Variants in HPF1 observed in about 807,000 individuals in gnomAD.
The protein encoded by HPF1 is histone PARylation factor 1.
Under a neutral mutation model 38.8 loss-of-function variants are expected in HPF1, and 35 were observed. The ratio of observed to expected loss-of-function variants is 0.90; its 90% CI spans 0.69 to 1.19. The LOEUF (loss-of-function observed/expected upper bound fraction) is 1.19. HPF1 is among the 50% of genes most tolerant of loss of function. The probability of loss-of-function intolerance (pLI) is 0.00; values close to 1 mark genes in which losing one functional copy is unlikely to be tolerated. For missense variants in HPF1, 367 were observed against 405.8 expected, an observed-to-expected ratio of 0.90 and a Z score of 0.82; for synonymous variants, 115 against 139.2, an observed-to-expected ratio of 0.83 and a Z score of 1.22.
chr4:169,743,409 C>CTTTTTTTTT (rs34941625), intron 4 of HPF1, among the ~76,000 whole-genome samples: 2 of 69,714 alleles, frequency 2.9e-5, no homozygotes, highest in African/African-American at 6.5e-5. Context: ...TGCCCCTGGC[C>CTTTTTTTTT]TTTTTTTTTT....
Position 169,750,660 on chromosome 4 carries a change from T to C in HPF1, c.274A>G (p.Lys92Glu), listed in dbSNP as rs772727019. ...GPYDILAGKH[K>E]TKKKSTGLNF... Reference sequence around the variant, plus strand: ...AGGCCTGTTGATTTTTTCTTCGTTTTATGTTTTCCAGCAAGGATATCATAA... The same window carrying C: ...AGGCCTGTTGATTTTTTCTTCGTTTCATGTTTTCCAGCAAGGATATCATAA... Residue 92 changes from lysine (K) to glutamate (E), a missense_variant, in exon 3 of 8, where the codon AAA becomes GAA. Transcript: ENST00000393381. 23 of 1,613,934 alleles carry C rather than the reference T, an allele frequency of 1.4e-5. No individual in the cohort carries two copies. The highest frequency in any genetic ancestry group is 1.9e-5 in the Non-Finnish European group (22 of 1,179,962).
chr4:169,754,568 A>G (rs1411822738), intron 1 of HPF1, among the ~76,000 whole-genome samples: 1 of 152,070 alleles, frequency 6.6e-6, no homozygotes, highest in Non-Finnish European at 1.5e-5. Context: ...AAATTTCTGT[A>G]AAGACAATAT....
At chr4:169,749,315 C>A (rs1045052364) in intron 3 of HPF1, among the ~76,000 whole-genome samples, 1 of 152,102 alleles carries the variant, frequency 6.6e-6, no homozygotes, top group Non-Finnish European at 1.5e-5. Flanking sequence ...CCTCAAACAA[C>A]GGACAACAGT....
At chr4:169,742,237 C>T in intron 4 of HPF1, 130 bp from the exon 5 acceptor site, 1 of 719,610 alleles carries the variant, frequency 1.4e-6, no homozygotes, top group Non-Finnish European at 2.3e-6. Context: ...ATTACCAACA[C>T]TTCTCTCAAA....
intron 6 of HPF1, among the ~76,000 whole-genome samples, chr4:169,732,775 G>A (rs909345664): frequency 2.0e-4 from 30 of 151,834 alleles, no homozygotes; most frequent in Non-Finnish European, 4.1e-4. Flanking sequence ...AAATACTCAG[G>A]AAAAAAATAA....
chr4:169,742,415 T>C (rs886201961), intron 4 of HPF1, among the ~76,000 whole-genome samples: 14 of 152,198 alleles, frequency 9.2e-5, no homozygotes, highest in African/African-American at 3.1e-4. Flanking sequence ...ACTGTATCAC[T>C]TGATACTAAG....
At chr4:169,736,586 GAGA>G (rs1242394380) in intron 6 of HPF1, among the ~76,000 whole-genome samples, 3 of 152,120 alleles carry the variant, frequency 2.0e-5, no homozygotes, top group East Asian at 1.9e-4. Context: ...AGTAAAATTT[GAGA>G]AGAACTGCTT....
chr4:169,742,586 A>T (rs1222982304), intron 4 of HPF1, among the ~76,000 whole-genome samples: 2 of 152,152 alleles, frequency 1.3e-5, no homozygotes, highest in Non-Finnish European at 2.9e-5. Context: ...AGGTCAGGAG[A>T]TCAAGACCAT....
intron 6 of HPF1, among the ~76,000 whole-genome samples, chr4:169,737,410 G>T (rs79377816): frequency 0.011 from 1,709 of 151,942 alleles, 26 homozygotes; most frequent in African/African-American, 0.039. Flanking sequence ...AAGTGCATAT[G>T]ATTAGCTCCA....
rs530457095 is a variant in HPF1, at chr4:169,756,764, A to G, written c.48+1066T>C. Among the ~76,000 whole-genome samples the G allele has an allele frequency of 1.2e-3, 184 of 152,334 alleles. 1 individual carries two copies. The highest frequency in any genetic ancestry group is 4.3e-3 in the African/African-American group (179 of 41,576). On this transcript the variant is annotated intron_variant, in intron 1 of 7. Coordinates refer to ENST00000393381, the MANE Select transcript of HPF1 (RefSeq NM_017867.3). ...TCTGTTATTGTATTTCTAGTTAAGC[A>G]CATCACTCCACCAAAGCAGTTCTTC...
In HPF1 at chr4:169,750,587, T is replaced by C; in HGVS notation, c.347A>G (p.Gln116Arg). ...TTTATTATCTCCAATAATAATGGTC[T>C]GGAACTCAGGAGGATCATAGTAAAA... Reference protein sequence around the residue: ...WRFYYDPPEFQTIIIGDNKTQ... With the variant: ...WRFYYDPPEFRTIIIGDNKTQ... The change falls in exon 3 of 8, where the codon CAG (glutamine) becomes CGG (arginine). Residue 116 changes from glutamine to arginine, a missense_variant. Coordinates refer to ENST00000393381, the MANE Select transcript of HPF1 (RefSeq NM_017867.3). 3 of 1,612,998 alleles carry C rather than the reference T, an allele frequency of 1.9e-6. No homozygotes were observed. The highest frequency in any genetic ancestry group is 2.5e-6 in the Non-Finnish European group (3 of 1,179,662).
chr4:169,739,544 A>G lies in HPF1; in HGVS notation c.649-1797T>C, dbSNP rs551611128. On this transcript the variant is annotated intron_variant, in intron 5 of 7. Coordinates refer to ENST00000393381, the MANE Select transcript of HPF1 (RefSeq NM_017867.3). ...CAGCATGGAAAAAACTAAAAAGACT[A>G]AAGAAAACCCCCCAAAATTAGAAAC... Among the ~76,000 whole-genome samples the G allele has an allele frequency of 3.9e-5, 6 of 152,254 alleles. No homozygotes were observed. The South Asian group carries it at 1.2e-3, about 32-fold the overall frequency.
chr4:169,754,686 C>T (rs2150294011), intron 1 of HPF1, among the ~76,000 whole-genome samples: 1 of 152,230 alleles, frequency 6.6e-6, no homozygotes, highest in East Asian at 1.9e-4. Context: ...ATTCTTCCTA[C>T]CTAGAGCAGT....
At chr4:169,742,576 AG>A (rs1263926552) in intron 4 of HPF1, among the ~76,000 whole-genome samples, 1 of 152,184 alleles carries the variant, frequency 6.6e-6, no homozygotes, top group Non-Finnish European at 1.5e-5. Flanking sequence ...GCGGATCATG[AG>A]GTCAGGAGAT....
intron 7 of HPF1, among the ~76,000 whole-genome samples, chr4:169,730,981 C>T (rs770951479): frequency 2.0e-5 from 3 of 152,154 alleles, no homozygotes; most frequent in East Asian, 1.9e-4. Flanking sequence ...AAATGATCTG[C>T]GTGTGGGTAT....
chr4:169,745,218 G>T (rs1346197319), intron 4 of HPF1, among the ~76,000 whole-genome samples: 1 of 152,180 alleles, frequency 6.6e-6, no homozygotes, highest in African/African-American at 2.4e-5. Context: ...CGAGAGGCCG[G>T]GCCTAACAGG....
At chr4:169,743,684 G>C (rs1467017244) in intron 4 of HPF1, among the ~76,000 whole-genome samples, 2 of 151,972 alleles carry the variant, frequency 1.3e-5, no homozygotes, top group African/African-American at 4.8e-5. Context: ...CAATATAAAA[G>C]GTCAGGAGTA....
At chr4:169,748,536 C>G (rs373141864) in intron 4 of HPF1, among the ~76,000 whole-genome samples, 52 of 152,018 alleles carry the variant, frequency 3.4e-4, no homozygotes, top group African/African-American at 1.2e-3. Context: ...ATGCCTCCAG[C>G]TAATTTTTGT....
intron 2 of HPF1, among the ~76,000 whole-genome samples, chr4:169,753,028 GTTT>G (rs71590035): frequency 9.6e-6 from 1 of 103,890 alleles, no homozygotes; most frequent in African/African-American, 3.8e-5. Flanking sequence ...CCTTGGTTAG[GTTT>G]TTTTTTTTTT....
Sources: allele counts gnomAD v4.1 joint callset (sites outside exome capture counted in the v4.1 genomes callset), GRCh38; gene constraint gnomAD v4.1.1; transcripts MANE v1.5; gene names NCBI Gene and HGNC (gene_info 2026-07-23, HGNC 2026-07-21).